CLEC16A: variants seen among roughly 807,000 people sequenced by gnomAD.
The protein encoded by CLEC16A is protein CLEC16A.
In CLEC16A, 51 loss-of-function variants were observed where a neutral mutation model predicts 109.5. The observed-to-expected ratio is 0.47, with a 90% confidence interval of 0.37 to 0.59. CLEC16A has a LOEUF of 0.59. Ranked by LOEUF, CLEC16A falls within the 20% of genes least tolerant of loss-of-function variation. The pLI is 0.00. For synonymous variants in CLEC16A, 673 were observed against 564.2 expected (o/e 1.19, Z -2.73); for missense variants, 1,339 against 1,394.0 (o/e 0.96, Z 0.63).
At chr16:11,059,336 A>G (rs990956443) in intron 18 of CLEC16A, among the ~76,000 whole-genome samples, 1 of 152,250 alleles carries the variant, frequency 6.6e-6, no homozygotes, top group Non-Finnish European at 1.5e-5. Context: ...CACCATCATC[A>G]TCATTATAAC....
At chr16:11,133,812 A>G (rs561660200) in intron 22 of CLEC16A, among the ~76,000 whole-genome samples, 1 of 152,218 alleles carries the variant, frequency 6.6e-6, no homozygotes, top group Non-Finnish European at 1.5e-5. Context: ...TCACACAGGA[A>G]GAAGGACCTG....
intron 20 of CLEC16A, among the ~76,000 whole-genome samples, chr16:11,121,164 G>C (rs1567348759): frequency 6.6e-6 from 1 of 152,144 alleles, no homozygotes; most frequent in Non-Finnish European, 1.5e-5. Flanking sequence ...TCTAAACTTT[G>C]CTTTTGTCAT....
chr16:11,010,939 T>C (rs145874251), intron 11 of CLEC16A, among the ~76,000 whole-genome samples: 2 of 152,350 alleles, frequency 1.3e-5, no homozygotes, highest in East Asian at 3.9e-4. Context: ...GTGATTAGAC[T>C]GAGATTATGC....
At chr16:11,048,418 A>G (rs1177851608) in intron 17 of CLEC16A, 3 of 152,276 alleles carry the variant, frequency 2.0e-5, no homozygotes, top group African/African-American at 7.2e-5. Context: ...TAGGTACTCC[A>G]TAAGTACGTG....
intron 11 of CLEC16A, among the ~76,000 whole-genome samples, chr16:11,011,024 T>G (rs2045378045): frequency 6.6e-6 from 1 of 152,362 alleles, no homozygotes; most frequent in South Asian, 2.1e-4. Flanking sequence ...CATGATGTCC[T>G]TCTGTCCCTC....
intron 22 of CLEC16A, among the ~76,000 whole-genome samples, chr16:11,130,473 C>T (rs1384136939): frequency 6.6e-6 from 1 of 152,188 alleles, no homozygotes; most frequent in African/African-American, 2.4e-5. Context: ...GTCCAAGGAC[C>T]ATGTACCCAG....
In CLEC16A at chr16:11,041,223, A is replaced by G. The variant is rs569167466; in HGVS notation, c.1661-1031A>G. 3.3e-5 allele frequency: 5 copies of G among 152,334 alleles called. No individual in the cohort carries two copies. The East Asian group carries it at 7.7e-4, about 24-fold the overall frequency. The allele number at this position is 152,334 out of a possible 1,614,324, so 9.4% of individuals were successfully genotyped here. On this transcript the variant is annotated intron_variant, in intron 14 of 23. Transcript: ENST00000409790. ...CAATCTTTCCAGCACTCATTGCAAT[A>G]GGTTTTTATAGAGATTCCTTCAGGA...
At chr16:10,970,229 A>G (rs147054965) in intron 4 of CLEC16A, among the ~76,000 whole-genome samples, 2,477 of 152,230 alleles carry the variant, frequency 0.016, 65 homozygotes, top group African/African-American at 0.056. Context: ...TCAACCCCTC[A>G]TGGTCACAGG....
At chr16:11,016,237 A>T (rs1290361326) in intron 11 of CLEC16A, among the ~76,000 whole-genome samples, 1 of 152,160 alleles carries the variant, frequency 6.6e-6, no homozygotes, top group East Asian at 1.9e-4. Context: ...AGGTAGTTGG[A>T]GGACACTAGG....
In CLEC16A at chr16:11,085,004, A is replaced by G. The variant is rs117201165; in HGVS notation, c.2116+23982A>G. Among the ~76,000 whole-genome samples, 18 of 152,362 alleles carry G rather than the reference A, an allele frequency of 1.2e-4. No homozygotes were observed. In the East Asian group the frequency reaches 3.1e-3, roughly 26 times the overall value. On this transcript the variant is annotated intron_variant, in intron 19 of 23. Coordinates refer to ENST00000409790, the MANE Select transcript of CLEC16A (RefSeq NM_015226.3). Reference sequence around the variant, plus strand: ...GGGAGGCCTCTCCTTGGCCCTGGATATAAATCAGCAGCCCTTTTGCAGAGA... The same window carrying G: ...GGGAGGCCTCTCCTTGGCCCTGGATGTAAATCAGCAGCCCTTTTGCAGAGA...
At chr16:11,122,338 C>A (rs1182494885) in intron 20 of CLEC16A, among the ~76,000 whole-genome samples, 1 of 152,190 alleles carries the variant, frequency 6.6e-6, no homozygotes, top group Non-Finnish European at 1.5e-5. Context: ...AGACATTATC[C>A]ATTAAGTGAC....
intron 3 of CLEC16A, 105 bp from the exon 4 acceptor site, chr16:10,969,056 C>A: frequency 1.1e-6 from 1 of 915,072 alleles, no homozygotes; most frequent in Non-Finnish European, 1.6e-6. Context: ...CCCAGCAACC[C>A]AGAGGCTTAC....
intron 18 of CLEC16A, among the ~76,000 whole-genome samples, 182 bp from the exon 19 acceptor site, chr16:11,060,720 A>AT (rs112716725): frequency 0.22 from 32,273 of 148,996 alleles, 4,695 homozygotes; most frequent in African/African-American, 0.43. Context: ...TCCCCCTTTG[A>AT]TTTTTTTTTT....
At chr16:11,122,869 C>T (rs553335978) in intron 20 of CLEC16A, among the ~76,000 whole-genome samples, 1 of 148,124 alleles carries the variant, frequency 6.8e-6, no homozygotes, top group African/African-American at 2.5e-5. Flanking sequence ...CTTCAAATCT[C>T]TGCTCAATGA....
chr16:11,120,916 A>G (rs1269483190), intron 20 of CLEC16A, 150 bp downstream of exon 20: 1 of 891,752 alleles, frequency 1.1e-6, no homozygotes. Context: ...GTCACCCAAA[A>G]AAAAGCTAAA....
At chr16:10,982,375 C>G (rs2043372226) in intron 9 of CLEC16A, among the ~76,000 whole-genome samples, 1 of 152,194 alleles carries the variant, frequency 6.6e-6, no homozygotes, top group Non-Finnish European at 1.5e-5. Flanking sequence ...AAACCCACCA[C>G]AGGGTCAGAG....
chr16:11,085,762 T>C (rs1390937067), intron 19 of CLEC16A, among the ~76,000 whole-genome samples: 2 of 152,186 alleles, frequency 1.3e-5, no homozygotes, highest in Non-Finnish European at 2.9e-5. Context: ...CAGCTCATTT[T>C]TGTATTTTTT....
chr16:10,977,933 A>G (rs1442006524), intron 8 of CLEC16A, among the ~76,000 whole-genome samples: 1 of 152,168 alleles, frequency 6.6e-6, no homozygotes, highest in East Asian at 1.9e-4. Flanking sequence ...ATGAGAAAAG[A>G]TTACCGACAT....
intron 19 of CLEC16A, among the ~76,000 whole-genome samples, chr16:11,065,617 G>C (rs1370819041): frequency 6.6e-6 from 1 of 152,200 alleles, no homozygotes; most frequent in Non-Finnish European, 1.5e-5. Flanking sequence ...CATGATCACA[G>C]ACTGATTGGG....
Sources: allele counts gnomAD v4.1 joint callset (sites outside exome capture counted in the v4.1 genomes callset), GRCh38; gene constraint gnomAD v4.1.1; transcripts MANE v1.5; gene names NCBI Gene and HGNC (gene_info 2026-07-23, HGNC 2026-07-21).